NWD2: variants seen among roughly 807,000 people sequenced by gnomAD.
NWD2 encodes NACHT and WD repeat domain containing 2.
In NWD2, 37 loss-of-function variants were observed where a neutral mutation model predicts 132.7. That is an observed-to-expected ratio of 0.28 (90% CI 0.21 to 0.37). The LOEUF (loss-of-function observed/expected upper bound fraction) is 0.37, where lower values mean the gene tolerates loss of function less well. NWD2 is among the 10% of genes least tolerant of loss of function. The probability of loss-of-function intolerance (pLI) is 1.00; values close to 1 mark genes in which losing one functional copy is unlikely to be tolerated. For missense variants in NWD2, 1,592 were observed against 2,122.4 expected (o/e 0.75, Z 4.91); for synonymous variants, 705 against 803.0 (o/e 0.88, Z 2.06).
At chr4:37,288,075 C>G (rs1718273081) in intron 1 of NWD2, among the ~76,000 whole-genome samples, 1 of 152,112 alleles carries the variant, frequency 6.6e-6, no homozygotes. Context: ...AAATGAAACA[C>G]CACATGTTCT....
At chr4:37,280,453 A>G (rs1718105870) in intron 1 of NWD2, among the ~76,000 whole-genome samples, 1 of 152,060 alleles carries the variant, frequency 6.6e-6, no homozygotes, top group African/African-American at 2.4e-5. Context: ...AGTTCACCTA[A>G]TGGGCACAGC....
intron 3 of NWD2, among the ~76,000 whole-genome samples, chr4:37,389,691 A>G (rs1190140385): frequency 6.6e-6 from 1 of 152,220 alleles, no homozygotes; most frequent in Non-Finnish European, 1.5e-5. Flanking sequence ...CATCAGCATC[A>G]GCTGCTGTGA....
chr4:37,315,963 C>T (rs1469605164), intron 1 of NWD2, among the ~76,000 whole-genome samples: 1 of 151,862 alleles, frequency 6.6e-6, no homozygotes. Context: ...TTTTTCTTCT[C>T]TCTCCTTTGT....
At chr4:37,277,414 G>A (rs577630093) in intron 1 of NWD2, among the ~76,000 whole-genome samples, 1 of 151,820 alleles carries the variant, frequency 6.6e-6, no homozygotes, top group East Asian at 1.9e-4. Flanking sequence ...TGCTATGTTT[G>A]ATGTCCCACA....
chr4:37,393,429 T>C (rs1015050418), intron 3 of NWD2, among the ~76,000 whole-genome samples: 1 of 152,194 alleles, frequency 6.6e-6, no homozygotes, highest in Non-Finnish European at 1.5e-5. Context: ...CTATGTGTTG[T>C]CATGAGAAGA....
At chr4:37,429,562 C>A (rs1476130078) in intron 3 of NWD2, among the ~76,000 whole-genome samples, 1 of 152,020 alleles carries the variant, frequency 6.6e-6, no homozygotes, top group Non-Finnish European at 1.5e-5. Flanking sequence ...GTGATCCACC[C>A]GCCTCAGCCT....
At chr4:37,368,313 A>ACG in intron 3 of NWD2, among the ~76,000 whole-genome samples, 1 of 152,124 alleles carries the variant, frequency 6.6e-6, no homozygotes, top group African/African-American at 2.4e-5. Flanking sequence ...TCTAATTACG[A>ACG]TGCAAGGTCC....
intron 1 of NWD2, among the ~76,000 whole-genome samples, chr4:37,284,987 C>T (rs946021313): frequency 7.9e-5 from 12 of 152,140 alleles, no homozygotes; most frequent in African/African-American, 2.9e-4. Flanking sequence ...AGCCCCACTT[C>T]ACAACTAGAT....
chr4:37,399,304 C>G (rs1172504981), intron 3 of NWD2, among the ~76,000 whole-genome samples: 5 of 152,140 alleles, frequency 3.3e-5, no homozygotes. Flanking sequence ...CCTCTCTGGC[C>G]ATCTTCTGGC....
intron 3 of NWD2, among the ~76,000 whole-genome samples, chr4:37,381,585 A>T (rs1480019784): frequency 1.3e-5 from 2 of 152,150 alleles, no homozygotes; most frequent in East Asian, 3.9e-4. Context: ...TGTTTATTTT[A>T]TCCTCTGAAA....
chr4:37,259,942 A>G (rs115894354), intron 1 of NWD2, among the ~76,000 whole-genome samples: 1,846 of 152,358 alleles, frequency 0.012, 31 homozygotes, highest in East Asian at 0.083. Context: ...CCTTTCTGGC[A>G]GGAGCAATGA....
intron 1 of NWD2, among the ~76,000 whole-genome samples, chr4:37,247,442 T>C (rs1717267131): frequency 6.6e-6 from 1 of 152,168 alleles, no homozygotes; most frequent in African/African-American, 2.4e-5. Flanking sequence ...GGAAATCCAA[T>C]TTATGTTCTA....
rs866712779 is a variant in NWD2 at position 37,360,988 on chromosome 4, C to G, written c.357+4506C>G. On this transcript the variant is annotated intron_variant, in intron 3 of 6. Transcript: ENST00000309447. ...CAACAAAGGTGACGTTATAACTGAT[C>G]CCACAGAAATACAAAAGATCCTCAG... 2.0e-5 allele frequency among the ~76,000 whole-genome samples: 3 copies of G among 152,072 alleles called. 1 individual carries two copies. The South Asian group carries it at 6.2e-4, about 31-fold the overall frequency.
intron 2 of NWD2, among the ~76,000 whole-genome samples, chr4:37,339,929 G>T (rs1483166009): frequency 6.6e-6 from 1 of 150,908 alleles, no homozygotes; most frequent in Non-Finnish European, 1.5e-5. Context: ...TAGAACAAGC[G>T]GTATTTGAAT....
At chr4:37,402,034 C>T (rs752472914) in intron 3 of NWD2, among the ~76,000 whole-genome samples, 1 of 152,152 alleles carries the variant, frequency 6.6e-6, no homozygotes, top group Non-Finnish European at 1.5e-5. Context: ...TTGATTAACA[C>T]CATTACCTTA....
chr4:37,396,890 G>A (rs192258708), intron 3 of NWD2, among the ~76,000 whole-genome samples: 123 of 152,158 alleles, frequency 8.1e-4, no homozygotes, highest in African/African-American at 1.6e-3. Context: ...AAAATTAGCC[G>A]GGTGTGGTGG....
At chr4:37,398,644 A>G (rs961670325) in intron 3 of NWD2, among the ~76,000 whole-genome samples, 4 of 152,220 alleles carry the variant, frequency 2.6e-5, no homozygotes, top group Non-Finnish European at 5.9e-5. Context: ...CCTAAAAAGG[A>G]CATCCTGCTT....
chr4:37,326,296 C>T (rs1719171855), intron 2 of NWD2, among the ~76,000 whole-genome samples: 2 of 152,142 alleles, frequency 1.3e-5, no homozygotes, highest in South Asian at 4.1e-4. Flanking sequence ...TGACGGTCTC[C>T]ACTATTATCA....
intron 3 of NWD2, among the ~76,000 whole-genome samples, chr4:37,414,017 T>A (rs1318417401): frequency 6.6e-6 from 1 of 152,016 alleles, no homozygotes; most frequent in African/African-American, 2.4e-5. Context: ...AAATACCTAA[T>A]GTAGGTGACG....
Sources: allele counts gnomAD v4.1 joint callset (sites outside exome capture counted in the v4.1 genomes callset), GRCh38; gene constraint gnomAD v4.1.1; transcripts MANE v1.5; gene names NCBI Gene and HGNC (gene_info 2026-07-23, HGNC 2026-07-21).